Variants in ABCD2 observed in about 807,000 individuals in gnomAD.
ABCD2 encodes ATP-binding cassette sub-family D member 2.
ABCD2 carries 36 observed loss-of-function variants against 70.9 expected under a neutral mutation model. The observed-to-expected ratio is 0.51, with a 90% CI of 0.39 to 0.67. The LOEUF (loss-of-function observed/expected upper bound fraction) is 0.67. ABCD2 is among the 30% of genes least tolerant of loss of function. ABCD2 has a pLI of 0.00. For missense variants in ABCD2, 729 were observed against 890.2 expected, an observed-to-expected ratio of 0.82 and a Z score of 2.30; for synonymous variants, 304 against 306.9, an observed-to-expected ratio of 0.99 and a Z score of 0.10.
At chr12:39,562,958 A>C (rs924328417) in intron 9 of ABCD2, among the ~76,000 whole-genome samples, 2 of 152,220 alleles carry the variant, frequency 1.3e-5, no homozygotes, top group Non-Finnish European at 2.9e-5. Flanking sequence ...TAAAAAGGTC[A>C]TTCACCATGA....
intron 9 of ABCD2, among the ~76,000 whole-genome samples, chr12:39,557,930 T>G (rs1941194447): frequency 6.6e-6 from 1 of 152,168 alleles, no homozygotes; most frequent in Admixed American, 6.5e-5. Flanking sequence ...AAGGAAAATG[T>G]GAGGTCAGAG....
rs1310622428 is a variant in ABCD2, at chr12:39,553,643, A to G, written c.*269T>C. 2 of 374,400 alleles carry G rather than the reference A, an allele frequency of 5.3e-6. No homozygotes were observed. Among genetic ancestry groups the G allele is most frequent in the Non-Finnish European group, 9.7e-6 (2 of 206,564 alleles). 23.2% of individuals were successfully genotyped at this position (374,400 alleles called of 1,614,324 possible). A position where few individuals can be genotyped will look rare whatever the true frequency, so the allele number is the denominator to read the frequency against. On this transcript the variant is annotated 3_prime_UTR_variant, in exon 10 of 10. Transcript: ENST00000308666. The stretch of plus-strand genomic sequence containing the variant: ...CATATACATAGTAAATCTGGTATTC[A>G]TCATGAATTCACCTAGAAAATCCTG...
At chr12:39,594,987 A>G (rs1941796323) in intron 6 of ABCD2, among the ~76,000 whole-genome samples, 1 of 152,070 alleles carries the variant, frequency 6.6e-6, no homozygotes, top group African/African-American at 2.4e-5. Context: ...ACCATGGTGA[A>G]CCCAGGAGGC....
chr12:39,587,741 T>C (rs76626960), intron 6 of ABCD2, among the ~76,000 whole-genome samples: 3,577 of 152,160 alleles, frequency 0.024, 52 homozygotes, highest in Middle Eastern at 0.037. Context: ...TACTATTCAA[T>C]AAATAAATAA....
the ABCD2 span, among the ~76,000 whole-genome samples, chr12:39,538,715 C>T: frequency 6.6e-6 from 1 of 152,122 alleles, no homozygotes; most frequent in South Asian, 2.1e-4. Flanking sequence ...CTTCGCAGAC[C>T]CAGTCCCAAG....
In ABCD2 at chr12:39,576,552, T is replaced by C. The variant is rs59489798; in HGVS notation, c.1878-2711A>G. The stretch of plus-strand genomic sequence containing the variant: ...CACTAAAAATCCCAAATTAGCAAAA[T>C]TTAGTTTATATTTTTAGCTAGCCAT... On this transcript the variant is annotated intron_variant, in intron 8 of 9. Transcript: ENST00000308666. Among the ~76,000 whole-genome samples the C allele has an allele frequency of 2.4e-3, 372 of 152,302 alleles. 2 individuals carry two copies. Among genetic ancestry groups the C allele is most frequent in the African/African-American group, 8.5e-3 (352 of 41,558 alleles).
rs1042118936 is a variant in ABCD2, at chr12:39,551,204, A to G, written c.*2708T>C. 2.0e-5 allele frequency: 3 copies of G among 151,692 alleles called. No individual in the cohort carries two copies. Among genetic ancestry groups the G allele is most frequent in the African/African-American group, 7.2e-5 (3 of 41,424 alleles). The allele number at this position is 151,692 out of a possible 1,614,324, so 9.4% of individuals were successfully genotyped here. A position where few individuals can be genotyped will look rare whatever the true frequency, so the allele number is the denominator to read the frequency against. On this transcript the variant is annotated 3_prime_UTR_variant, in exon 10 of 10. Transcript: ENST00000308666. ...ATTACATGCTGTAGAAATATAATGCAACGTTTTCATAGAATCCAACTTATT... is the reference window on the plus strand; with the variant it reads ...ATTACATGCTGTAGAAATATAATGCGACGTTTTCATAGAATCCAACTTATT...
At chr12:39,614,126 T>A (rs1308519694) in intron 2 of ABCD2, among the ~76,000 whole-genome samples, 2 of 152,194 alleles carry the variant, frequency 1.3e-5, no homozygotes, top group East Asian at 3.8e-4. Flanking sequence ...TCTCTCATTT[T>A]GGAAATGTGG....
intron 2 of ABCD2, among the ~76,000 whole-genome samples, chr12:39,613,947 TCCTTTCTC>T (rs982393358): frequency 1.1e-4 from 16 of 152,192 alleles, no homozygotes; most frequent in African/African-American, 3.9e-4. Context: ...TGCGGGTTCT[TCCTTTCTC>T]CATTTTCACC....
rs371320537 is a variant in ABCD2 at position 39,586,495 on chromosome 12, C to T, written c.1647-198G>A. ...TTATGTTTACATAAAAACTTACTGA[C>T]ACATGGACACAAGAAAAGCTTCTCC... On this transcript the variant is annotated intron_variant, in intron 6 of 9. Coordinates refer to ENST00000308666, the MANE Select transcript of ABCD2 (RefSeq NM_005164.4). Among the ~76,000 whole-genome samples the T allele has an allele frequency of 2.0e-5, 3 of 152,272 alleles. No individual in the cohort carries two copies. The East Asian group carries it at 5.8e-4, about 29-fold the overall frequency.
chr12:39,552,429 C>T lies in ABCD2; in HGVS notation c.*1483G>A, dbSNP rs1043979462. 1 of 151,960 alleles carries T rather than the reference C, an allele frequency of 6.6e-6. No homozygotes were observed. The highest frequency in any genetic ancestry group is 2.4e-5 in the African/African-American group (1 of 41,446). 9.4% of individuals were successfully genotyped at this position (151,960 alleles called of 1,614,324 possible). A position where few individuals can be genotyped will look rare whatever the true frequency, so the allele number is the denominator to read the frequency against. Reference sequence around the variant, plus strand: ...CTTCTGGTATGTCAATGTGGTATCACAGGCAGCAAGAGATAAAGTTTCAGT... The same window carrying T: ...CTTCTGGTATGTCAATGTGGTATCATAGGCAGCAAGAGATAAAGTTTCAGT... On this transcript the variant is annotated 3_prime_UTR_variant, in exon 10 of 10. Coordinates refer to ENST00000308666, the MANE Select transcript of ABCD2 (RefSeq NM_005164.4).
At chr12:39,600,858 G>C in intron 5 of ABCD2, 142 bp from the exon 6 acceptor site, 1 of 717,168 alleles carries the variant, frequency 1.4e-6, no homozygotes, top group Non-Finnish European at 2.3e-6. Context: ...ATATTTCAGG[G>C]TTGAGAACAA....
chr12:39,567,700 G>T (rs1264679145), intron 9 of ABCD2, among the ~76,000 whole-genome samples: 2 of 152,180 alleles, frequency 1.3e-5, no homozygotes, highest in African/African-American at 4.8e-5. Flanking sequence ...CTCATTAGTT[G>T]ATGCAATTTC....
In ABCD2 at chr12:39,619,310, A is replaced by G. The variant is rs1331623398; in HGVS notation, c.306T>C (p.Thr102=). The G allele has an allele frequency of 5.6e-6, 9 of 1,614,060 alleles. No individual in the cohort carries two copies. Among genetic ancestry groups the G allele is most frequent in the African/African-American group, 1.3e-5 (1 of 74,918 alleles). Residue 102 remains threonine (T), a synonymous_variant, in exon 1 of 10, where the codon ACT becomes ACC. Transcript: ENST00000308666. ...AGTGCAGGCAGAGCCACCCTGTTTCAGTGGTCACAAGTTTTGGAAACAAAA... is the reference window on the plus strand; with the variant it reads ...AGTGCAGGCAGAGCCACCCTGTTTCGGTGGTCACAAGTTTTGGAAACAAAA... ...RKILFPKLVT[T]ETGWLCLHSV... is the part of the protein sequence containing the mutation.
At position 39,553,104 on chromosome 12, in the gene ABCD2, C is replaced by T. The variant is rs1172066502; in HGVS notation, c.*808G>A. On this transcript the variant is annotated 3_prime_UTR_variant, in exon 10 of 10. Transcript: ENST00000308666. ...CATTGCAGTTCTTAAAATGTAGACTCATCCTTGGGCAAAAAAACAAGCTGT... is the reference window on the plus strand; with the variant it reads ...CATTGCAGTTCTTAAAATGTAGACTTATCCTTGGGCAAAAAAACAAGCTGT... 6.6e-6 allele frequency: 1 copy of T among 151,922 alleles called. No homozygotes were observed. The highest frequency in any genetic ancestry group is 1.5e-5 in the Non-Finnish European group (1 of 67,866). 9.4% of individuals were successfully genotyped at this position (151,922 alleles called of 1,614,324 possible).
intron 7 of ABCD2, among the ~76,000 whole-genome samples, chr12:39,580,185 C>A (rs190635606): frequency 2.0e-5 from 3 of 152,136 alleles, no homozygotes; most frequent in African/African-American, 7.2e-5. Flanking sequence ...GAGCTATTTA[C>A]CCTCCTCAGC....
At chr12:39,534,910 AAGAAAGAAAG>A in the ABCD2 span, among the ~76,000 whole-genome samples, 10 of 90,474 alleles carry the variant, frequency 1.1e-4, no homozygotes, top group Non-Finnish European at 2.0e-4. Flanking sequence ...GAAAGAAAGA[AAGAAAGAAAG>A]AAAGAAAGAA....
chr12:39,609,597 T>C (rs535526355), intron 2 of ABCD2, among the ~76,000 whole-genome samples: 3 of 152,292 alleles, frequency 2.0e-5, no homozygotes, highest in Non-Finnish European at 2.9e-5. Context: ...CTGGTCCTTC[T>C]ATACATTATC....
At chr12:39,568,722 G>A (rs1026289213) in intron 9 of ABCD2, among the ~76,000 whole-genome samples, 2 of 152,086 alleles carry the variant, frequency 1.3e-5, no homozygotes, top group African/African-American at 4.8e-5. Flanking sequence ...AGAGTTTCCA[G>A]TTTTTCTGCT....
Sources: gnomAD v4.1 joint callset for allele counts (sites outside exome capture counted in the v4.1 genomes callset) on GRCh38, gnomAD v4.1.1 for gene constraint, MANE v1.5 for transcripts, NCBI Gene and HGNC (gene_info 2026-07-23, HGNC 2026-07-21) for gene names.